Variants in SHISA9 observed in about 807,000 individuals in gnomAD.
SHISA9 encodes shisa family member 9.
A neutral mutation model predicts 38.0 loss-of-function variants in SHISA9; 13 were observed. The observed-to-expected ratio is 0.34, with a 90% CI of 0.22 to 0.54. The LOEUF is 0.54. Ranked by LOEUF, SHISA9 falls within the 20% of genes least tolerant of loss-of-function variation. The pLI is 0.91. For synonymous variants in SHISA9, 275 were observed against 242.0 expected, an observed-to-expected ratio of 1.14 and a Z score of -1.27; for missense variants, 538 against 575.8, an observed-to-expected ratio of 0.93 and a Z score of 0.67.
intron 2 of SHISA9, among the ~76,000 whole-genome samples, chr16:13,110,075 A>G (rs1486168634): frequency 1.3e-5 from 2 of 152,212 alleles, no homozygotes; most frequent in African/African-American, 4.8e-5. Flanking sequence ...CAAGAAAGGA[A>G]TAGCTTGGTT....
intron 2 of SHISA9, among the ~76,000 whole-genome samples, chr16:13,174,035 TC>T (rs1262216919): frequency 6.6e-6 from 1 of 151,964 alleles, no homozygotes; most frequent in African/African-American, 2.4e-5. Context: ...TCATATCACC[TC>T]TCTAGGCCTC....
intron 2 of SHISA9, among the ~76,000 whole-genome samples, chr16:13,178,846 TTGTTG>T (rs1485361584): frequency 2.9e-5 from 2 of 69,584 alleles, no homozygotes; most frequent in Non-Finnish European, 5.6e-5. Context: ...CAGGTTTTTG[TTGTTG>T]TTGTTGTTGT....
At chr16:12,960,854 G>A (rs1045016910) in intron 2 of SHISA9, among the ~76,000 whole-genome samples, 1 of 151,782 alleles carries the variant, frequency 6.6e-6, no homozygotes, top group African/African-American at 2.4e-5. Context: ...TTCCTTCCAG[G>A]AACATTTTGG....
chr16:13,005,108 GC>G, intron 2 of SHISA9, among the ~76,000 whole-genome samples: 1 of 152,168 alleles, frequency 6.6e-6, no homozygotes, highest in Non-Finnish European at 1.5e-5. Flanking sequence ...GAGAGGAGGT[GC>G]CATTCCTGAG....
At chr16:12,951,172 G>A (rs1342443123) in intron 2 of SHISA9, among the ~76,000 whole-genome samples, 1 of 112,840 alleles carries the variant, frequency 8.9e-6, no homozygotes, top group African/African-American at 3.4e-5. Context: ...AGTGAGCCAA[G>A]ATCGCACCAC....
At chr16:13,509,347 G>C in the SHISA9 span, among the ~76,000 whole-genome samples, 1 of 152,104 alleles carries the variant, frequency 6.6e-6, no homozygotes, top group Non-Finnish European at 1.5e-5. Flanking sequence ...TTACTGGTTA[G>C]AGCCAGAACT....
At chr16:13,154,064 CA>C (rs2050522282) in intron 2 of SHISA9, among the ~76,000 whole-genome samples, 1 of 152,108 alleles carries the variant, frequency 6.6e-6, no homozygotes, top group Non-Finnish European at 1.5e-5. Flanking sequence ...GAGATAATTG[CA>C]GAGGCTCAGA....
At chr16:13,027,459 T>C (rs963597208) in intron 2 of SHISA9, among the ~76,000 whole-genome samples, 10 of 152,166 alleles carry the variant, frequency 6.6e-5, no homozygotes, top group Non-Finnish European at 8.8e-5. Flanking sequence ...TCCAAGAGAA[T>C]TGAAAATTAT....
the SHISA9 span, among the ~76,000 whole-genome samples, chr16:13,517,891 C>T: frequency 6.6e-6 from 1 of 152,196 alleles, no homozygotes; most frequent in African/African-American, 2.4e-5. Flanking sequence ...CCTCTTCCCA[C>T]CATGCAAGGT....
At chr16:13,326,404 C>T in the SHISA9 span, among the ~76,000 whole-genome samples, 2 of 152,214 alleles carry the variant, frequency 1.3e-5, no homozygotes, top group Admixed American at 6.5e-5. Flanking sequence ...GGTTTCCAGT[C>T]TCCTTGCATC....
At chr16:13,093,810 C>T (rs534973324) in intron 2 of SHISA9, among the ~76,000 whole-genome samples, 1 of 152,234 alleles carries the variant, frequency 6.6e-6, no homozygotes, top group Non-Finnish European at 1.5e-5. Context: ...CACTGCGGGG[C>T]CTATAAATAG....
chr16:13,010,790 A>G (rs900653541), intron 2 of SHISA9, among the ~76,000 whole-genome samples: 2 of 152,154 alleles, frequency 1.3e-5, no homozygotes, highest in East Asian at 3.9e-4. Context: ...CGTCTCTACT[A>G]AAAATACAAA....
the SHISA9 span, among the ~76,000 whole-genome samples, chr16:13,475,797 G>A: frequency 5.3e-5 from 8 of 152,162 alleles, no homozygotes; most frequent in South Asian, 2.1e-4. Context: ...ATATGGTCAC[G>A]ATGGGAGACA....
At chr16:13,099,566 G>A (rs984164319) in intron 2 of SHISA9, among the ~76,000 whole-genome samples, 1 of 152,010 alleles carries the variant, frequency 6.6e-6, no homozygotes. Context: ...AGGATATCGG[G>A]AAGTGTTCCA....
At chr16:13,457,683 A>C in the SHISA9 span, among the ~76,000 whole-genome samples, 1 of 151,758 alleles carries the variant, frequency 6.6e-6, no homozygotes, top group Non-Finnish European at 1.5e-5. Context: ...TCCCACTTGC[A>C]TTGAGTTTCT....
At chr16:13,042,603 T>C (rs1202428958) in intron 2 of SHISA9, among the ~76,000 whole-genome samples, 3 of 152,194 alleles carry the variant, frequency 2.0e-5, no homozygotes, top group Non-Finnish European at 4.4e-5. Flanking sequence ...CCCTTTGTGA[T>C]GATTTTCTGG....
intron 2 of SHISA9, among the ~76,000 whole-genome samples, chr16:13,052,959 CTTTTTTTTTTTTTT>C (rs925020167): frequency 9.4e-6 from 1 of 106,082 alleles, no homozygotes; most frequent in African/African-American, 3.8e-5. Flanking sequence ...TCCTTCCTTT[CTTTTTTTTTTTTTT>C]TTTTTTTTGA....
At chr16:13,204,159 TATCTATCTATTTATC>T (rs1567247333) in intron 3 of SHISA9, among the ~76,000 whole-genome samples, 1 of 150,062 alleles carries the variant, frequency 6.7e-6, no homozygotes, top group African/African-American at 2.5e-5. Flanking sequence ...TCTATCTATC[TATCTATCTATTTATC>T]TATCATCTTT....
chr16:13,264,620 A>T, the SHISA9 span, among the ~76,000 whole-genome samples: 2 of 152,048 alleles, frequency 1.3e-5, no homozygotes, highest in African/African-American at 4.8e-5. Context: ...CATTATTCTA[A>T]ACAGAATGTC....
Sources: gnomAD v4.1 joint callset for allele counts (sites outside exome capture counted in the v4.1 genomes callset) on GRCh38, gnomAD v4.1.1 for gene constraint, MANE v1.5 for transcripts, NCBI Gene and HGNC (gene_info 2026-07-23, HGNC 2026-07-21) for gene names.